The following DIS3L2 variants were observed in gnomAD, a reference collection of about 807,000 sequenced individuals.
DIS3L2 encodes the protein DIS3 like 3'-5' exoribonuclease 2.
In DIS3L2, 34 loss-of-function variants were observed where a neutral mutation model predicts 97.5. That is an observed-to-expected ratio of 0.35 (90% CI 0.27 to 0.46). DIS3L2 has a LOEUF of 0.46. Ranked by LOEUF, DIS3L2 falls within the 20% of genes least tolerant of loss-of-function variation. The probability of loss-of-function intolerance (pLI) is 1.00; values close to 1 mark genes in which losing one functional copy is unlikely to be tolerated. For missense variants in DIS3L2, 1,038 were observed against 1,146.0 expected (o/e 0.91, Z 1.36); for synonymous variants, 435 against 445.2 (o/e 0.98, Z 0.29).
intron 5 of DIS3L2, among the ~76,000 whole-genome samples, chr2:232,082,094 A>G (rs1209744830): frequency 3.9e-5 from 6 of 152,176 alleles, no homozygotes; most frequent in Non-Finnish European, 8.8e-5. Context: ...CCGGCCTCAC[A>G]TCCTTACTTT....
At chr2:232,182,674 T>G (rs142183140) in intron 9 of DIS3L2, among the ~76,000 whole-genome samples, 2 of 152,334 alleles carry the variant, frequency 1.3e-5, no homozygotes, top group East Asian at 3.9e-4. Flanking sequence ...AATATTATCC[T>G]TTGTCTTTAG....
At chr2:232,338,542 A>G (rs1220732045), downstream of DIS3L2, among the ~76,000 whole-genome samples, 1 of 150,918 alleles carries the variant, frequency 6.6e-6, no homozygotes, top group African/African-American at 2.4e-5. Context: ...TGGAAACCGT[A>G]TCCACGAGGG....
chr2:232,122,828 A>G (rs1574892315), intron 6 of DIS3L2, among the ~76,000 whole-genome samples: 1 of 152,248 alleles, frequency 6.6e-6, no homozygotes, highest in Admixed American at 6.5e-5. Context: ...CACTACATGT[A>G]AACATAACTC....
chr2:232,148,576 C>G (rs902749530), intron 8 of DIS3L2, among the ~76,000 whole-genome samples: 1 of 152,068 alleles, frequency 6.6e-6, no homozygotes, highest in Non-Finnish European at 1.5e-5. Context: ...AGTCATTGAT[C>G]ACATTTGGAA....
Position 232,136,625 on chromosome 2 carries a change from C to G in DIS3L2, c.856C>G (p.Pro286Ala), listed in dbSNP as rs1427495306. The G allele has an allele frequency of 6.2e-7, 1 of 1,613,748 alleles. No homozygotes were observed. Among genetic ancestry groups the G allele is most frequent in the African/African-American group, 1.3e-5 (1 of 74,824 alleles). The change falls in exon 8 of 21, where the codon CCC becomes GCC. Residue 286 changes from proline (P) to alanine (A), a missense_variant. By Grantham distance (27) the Pro-to-Ala change is conservative. Transcript: ENST00000325385. Reference protein sequence around the residue: ...PRIYVPLKDCPQDFVARPKDY... With the variant: ...PRIYVPLKDCAQDFVARPKDY... ...AATTTATGTGCCTCTCAAGGACTGT[C>G]CCCAGGACTTTGTGGCACGGCCTAA... is the stretch of plus-strand genomic sequence containing the variant.
intron 14 of DIS3L2, 23 bp from the exon 15 acceptor site, chr2:232,329,789 TC>T: frequency 1.1e-5 from 4 of 368,612 alleles, no homozygotes; most frequent in Non-Finnish European, 2.0e-5. Flanking sequence ...CAGCGGTCCC[TC>T]CCATCCCACC....
At position 232,268,463 on chromosome 2, in the gene DIS3L2, T is replaced by G. The variant is rs1044094776; in HGVS notation, c.1659+5023T>G. On this transcript the variant is annotated intron_variant, in intron 13 of 20. Transcript: ENST00000325385. The surrounding 1 kb of genome is among the most constrained non-coding windows in gnomAD (Gnocchi z 4.1). The stretch of plus-strand genomic sequence containing the variant: ...CGGATATTTTCTGTAAAGGACCAGA[T>G]AGTAAATGGTTTAGGCTTTGTGGGC... 6.6e-6 allele frequency among the ~76,000 whole-genome samples: 1 copy of G among 152,190 alleles called. No individual in the cohort carries two copies. The highest frequency in any genetic ancestry group is 2.4e-5 in the African/African-American group (1 of 41,456).
At chr2:232,048,405 G>A (rs891483076) in intron 5 of DIS3L2, among the ~76,000 whole-genome samples, 8 of 151,988 alleles carry the variant, frequency 5.3e-5, no homozygotes, top group Non-Finnish European at 1.2e-4. Context: ...AGCATCAAAA[G>A]TTCTCTCTTA....
intron 1 of DIS3L2, among the ~76,000 whole-genome samples, chr2:231,966,754 C>G (rs938672619): frequency 1.5e-5 from 2 of 129,320 alleles, no homozygotes; most frequent in African/African-American, 6.0e-5. Flanking sequence ...CTCAGCCTCT[C>G]AAATATTGGA....
chr2:232,288,702 G>T (rs1694515059), intron 13 of DIS3L2, among the ~76,000 whole-genome samples: 1 of 152,194 alleles, frequency 6.6e-6, no homozygotes, highest in Admixed American at 6.5e-5. Flanking sequence ...TCTGAGTATT[G>T]TATGGGAATG....
intron 5 of DIS3L2, among the ~76,000 whole-genome samples, chr2:232,039,655 C>T (rs1171453067): frequency 1.3e-5 from 2 of 152,086 alleles, no homozygotes; most frequent in African/African-American, 4.8e-5. Flanking sequence ...TTACTGTCTC[C>T]TTATACTTTT....
chr2:232,082,968 C>G (rs879438965), intron 5 of DIS3L2, among the ~76,000 whole-genome samples: 24 of 152,134 alleles, frequency 1.6e-4, no homozygotes, highest in Admixed American at 1.6e-3. Flanking sequence ...ACATGGCGGC[C>G]TACAAAGGAA....
At chr2:231,970,573 T>TA (rs1041232152) in intron 1 of DIS3L2, among the ~76,000 whole-genome samples, 1 of 152,194 alleles carries the variant, frequency 6.6e-6, no homozygotes, top group African/African-American at 2.4e-5. Flanking sequence ...ATATAAAAGA[T>TA]AAAAAAATGG....
chr2:231,982,842 G>A (rs1341438545), intron 1 of DIS3L2, among the ~76,000 whole-genome samples: 3 of 151,956 alleles, frequency 2.0e-5, no homozygotes, highest in African/African-American at 7.3e-5. Flanking sequence ...ACCACACCTG[G>A]CTAATTTTTG....
intron 16 of DIS3L2, among the ~76,000 whole-genome samples, chr2:232,332,659 C>A (rs1230428422): frequency 6.6e-6 from 1 of 152,134 alleles, no homozygotes; most frequent in African/African-American, 2.4e-5. Context: ...TGCCTCCTGC[C>A]CAGCACAAGG....
chr2:232,003,196 C>G (rs765845267), intron 1 of DIS3L2, among the ~76,000 whole-genome samples: 18 of 152,116 alleles, frequency 1.2e-4, no homozygotes, highest in Non-Finnish European at 2.4e-4. Context: ...TAGAGGTTAC[C>G]CTTTATGCTT....
At chr2:232,224,338 A>G (rs2106236159) in intron 10 of DIS3L2, among the ~76,000 whole-genome samples, 1 of 152,332 alleles carries the variant, frequency 6.6e-6, no homozygotes, top group African/African-American at 2.4e-5. Context: ...TATACCACAC[A>G]TAAAAATGAA....
intron 5 of DIS3L2, among the ~76,000 whole-genome samples, chr2:232,034,183 C>T (rs1694889520): frequency 6.6e-6 from 1 of 152,070 alleles, no homozygotes; most frequent in Non-Finnish European, 1.5e-5. Context: ...TGACTTCTTC[C>T]TGGTTTAGTC....
chr2:232,234,607 C>G (rs1692884501), intron 10 of DIS3L2, among the ~76,000 whole-genome samples: 1 of 152,240 alleles, frequency 6.6e-6, no homozygotes, highest in African/African-American at 2.4e-5. Context: ...CAACCTCAGC[C>G]TCCCAAAGTG....
Sources: allele counts gnomAD v4.1 joint callset (sites outside exome capture counted in the v4.1 genomes callset), GRCh38; gene constraint gnomAD v4.1.1; non-coding constraint Gnocchi (gnomAD v3.1); transcripts MANE v1.5; gene names NCBI Gene and HGNC (gene_info 2026-07-23, HGNC 2026-07-21).